ADAP1: variants seen among roughly 807,000 people sequenced by gnomAD.
ADAP1 encodes the protein arf-GAP with dual PH domain-containing protein 1.
In ADAP1, 31 loss-of-function variants were observed where a neutral mutation model predicts 54.9. The observed-to-expected ratio is 0.56, with a 90% CI of 0.42 to 0.76. ADAP1 has a LOEUF of 0.76. Among genes scored for constraint, ADAP1 ranks in the 30% least tolerant of loss-of-function variants. The probability of loss-of-function intolerance (pLI) is 0.00; values close to 1 mark genes in which losing one functional copy is unlikely to be tolerated. For synonymous variants in ADAP1, 313 were observed against 202.6 expected, an observed-to-expected ratio of 1.55 and a Z score of -4.63; for missense variants, 535 against 512.4, an observed-to-expected ratio of 1.04 and a Z score of -0.42.
At chr7:936,231 T>TA (rs1319963619) in intron 1 of ADAP1, among the ~76,000 whole-genome samples, 1 of 152,020 alleles carries the variant, frequency 6.6e-6, no homozygotes, top group African/African-American at 2.4e-5. Context: ...TTTTGAGACA[T>TA]AGTCTGTTGC....
intron 1 of ADAP1, among the ~76,000 whole-genome samples, chr7:936,325 C>T (rs931998563): frequency 1.3e-5 from 2 of 152,104 alleles, no homozygotes; most frequent in East Asian, 1.9e-4. Context: ...CTTAGCCTCC[C>T]GAGTAGCGAG....
At position 898,434 on chromosome 7, in the gene ADAP1, C is replaced by T. The variant is rs138731347; in HGVS notation, c.*487G>A. ...AAACACCCCACGGCCCTCATAGCCC[C>T]GTGACACACAACAGGCGCTCAATAA... On this transcript the variant is annotated 3_prime_UTR_variant, in exon 11 of 11. Coordinates refer to ENST00000265846, the MANE Select transcript of ADAP1 (RefSeq NM_006869.4). 411 of 214,230 alleles carry T rather than the reference C, an allele frequency of 1.9e-3. 1 individual carries two copies. The highest frequency in any genetic ancestry group is 3.0e-3 in the Non-Finnish European group (313 of 104,894). 13.3% of individuals were successfully genotyped at this position (214,230 alleles called of 1,614,324 possible).
At position 899,075 on chromosome 7, in the gene ADAP1, G is replaced by T; in HGVS notation, c.1054C>A (p.Gln352Lys). 6.2e-7 allele frequency: 1 copy of T among 1,608,232 alleles called. No homozygotes were observed. The stretch of plus-strand genomic sequence containing the variant: ...AGCATGGGCCTGTCCACCGCCTTCT[G>T]GAAGGCCGCCACCCACTCCCTCTGG... ...SDQREWVAAF[Q>K]KAVDRPMLPQ... The change falls in exon 10 of 11, where the codon CAG (glutamine) becomes AAG (lysine). Residue 352 changes from glutamine to lysine, a missense_variant. Transcript: ENST00000265846.
At chr7:915,620 T>G (rs1383790410) in intron 4 of ADAP1, among the ~76,000 whole-genome samples, 1 of 152,130 alleles carries the variant, frequency 6.6e-6, no homozygotes, top group Non-Finnish European at 1.5e-5. Context: ...AGGCTTTAGC[T>G]CATCTCAAAT....
intron 6 of ADAP1, chr7:901,185 G>C (rs1454512062): frequency 2.7e-6 from 1 of 363,638 alleles, no homozygotes; most frequent in Non-Finnish European, 5.4e-6. Context: ...GGAACAGAGG[G>C]CCCATAGCCC....
In ADAP1 at chr7:926,215, G is replaced by A. The variant is rs994701741; in HGVS notation, c.305+338C>T. The stretch of plus-strand genomic sequence containing the variant: ...CAGGGCAGGCCCCGAAACAACAGCC[G>A]CCCCTCCCGTTCCCCTCCCAGACCG... On this transcript the variant is annotated intron_variant, in intron 3 of 10. Transcript: ENST00000265846. The surrounding 1 kb of genome is among the most constrained non-coding windows in gnomAD (Gnocchi z 4.6). 2.5e-4 allele frequency among the ~76,000 whole-genome samples: 38 copies of A among 151,780 alleles called. No individual in the cohort carries two copies. The highest frequency in any genetic ancestry group is 6.3e-4 in the South Asian group (3 of 4,754).
chr7:903,493 C>G (rs138440291), intron 6 of ADAP1, among the ~76,000 whole-genome samples: 3 of 152,156 alleles, frequency 2.0e-5, no homozygotes, highest in African/African-American at 7.2e-5. Context: ...CGCTTTAGAC[C>G]GTGTGCACAC....
rs1845216646 is a variant in ADAP1, at chr7:905,753, AGGGAGAAG to A, written c.389-589_389-582del. 3 of 79,294 alleles carry A rather than the reference AGGGAGAAG, an allele frequency of 3.8e-5. 1 individual carries two copies. Among genetic ancestry groups the A allele is most frequent in the Non-Finnish European group, 7.8e-5 (3 of 38,442 alleles). The allele number at this position is 79,294 out of a possible 1,614,324, so 4.9% of individuals were successfully genotyped here. ...GGAGAAAGGGAAAGGAGAAGGGAGAAGGGAGAAGGGAGAAAGGAGAAAGGAGAAAGGAG... is the reference window on the plus strand; with the variant it reads ...GGAGAAAGGGAAAGGAGAAGGGAGAAGGAGAAAGGAGAAAGGAGAAAGGAG... On this transcript the variant is annotated intron_variant, in intron 4 of 10. Coordinates refer to ENST00000265846, the MANE Select transcript of ADAP1 (RefSeq NM_006869.4).
intron 2 of ADAP1, chr7:935,052 G>C (rs996588685): frequency 4.1e-5 from 20 of 493,124 alleles, no homozygotes; most frequent in Non-Finnish European, 7.6e-5. Flanking sequence ...CCTGAGCCCA[G>C]TGCTCCAGGT....
Position 954,380 on chromosome 7 carries a change from C to T in ADAP1, c.82+16G>A, listed in dbSNP as rs1415137388. ...CCGGACCCACCCGGCCCCGCGCCCACCCGGCCCACACCTACCCGGGGCGCC... is the reference window on the plus strand; with the variant it reads ...CCGGACCCACCCGGCCCCGCGCCCATCCGGCCCACACCTACCCGGGGCGCC... On this transcript the variant is annotated intron_variant, in intron 1 of 10. Transcript: ENST00000265846. 9.2e-7 allele frequency: 1 copy of T among 1,084,508 alleles called. No individual in the cohort carries two copies. The highest frequency in any genetic ancestry group is 5.0e-5 in the Admixed American group (1 of 20,014). The allele number at this position is 1,084,508 out of a possible 1,614,324, so 67.2% of individuals were successfully genotyped here.
chr7:899,010 C>T (rs562708881), intron 10 of ADAP1, 23 bp downstream of exon 10: 73 of 1,609,476 alleles, frequency 4.5e-5, no homozygotes, highest in South Asian at 3.5e-4. Context: ...CCTTCCAGGC[C>T]GCCGGCCGCC....
chr7:950,118 G>A (rs972079236), intron 1 of ADAP1, among the ~76,000 whole-genome samples: 1 of 152,192 alleles, frequency 6.6e-6, no homozygotes, highest in Non-Finnish European at 1.5e-5. Flanking sequence ...TTCACATGCA[G>A]GGAAATCCCA....
intron 4 of ADAP1, among the ~76,000 whole-genome samples, chr7:907,114 G>A (rs1407958726): frequency 2.0e-5 from 3 of 152,100 alleles, no homozygotes; most frequent in Non-Finnish European, 4.4e-5. Flanking sequence ...CTTTTTTCAG[G>A]AAAGCTCATC....
chr7:940,638 T>C (rs1366161092), intron 1 of ADAP1, among the ~76,000 whole-genome samples: 2 of 152,204 alleles, frequency 1.3e-5, no homozygotes, highest in African/African-American at 2.4e-5. Context: ...TGAAAACAGC[T>C]TGGCAGTTTC....
chr7:925,933 CT>C (rs1846369405), intron 3 of ADAP1, among the ~76,000 whole-genome samples: 1 of 152,212 alleles, frequency 6.6e-6, no homozygotes, highest in Non-Finnish European at 1.5e-5. Flanking sequence ...CGTCTTTCCC[CT>C]GTGACAGGTA....
chr7:937,691 G>A lies in ADAP1; in HGVS notation c.83-2186C>T, dbSNP rs868620576. ...CTCTGGGATTTGGGGGTCATGCCCG[G>A]CCTCTGGGATTTGGGGGTCATGCCC... is the stretch of plus-strand genomic sequence containing the variant. On this transcript the variant is annotated intron_variant, in intron 1 of 10. Coordinates refer to ENST00000265846, the MANE Select transcript of ADAP1 (RefSeq NM_006869.4). Among the ~76,000 whole-genome samples, 187 of 54,722 alleles carry A rather than the reference G, an allele frequency of 3.4e-3. 10 individuals are homozygous for A. The highest frequency in any genetic ancestry group is 6.7e-3 in the East Asian group (8 of 1,198). The allele number at this position is 54,722 out of a possible 152,430, so 35.9% of individuals were successfully genotyped here.
chr7:904,950 G>T (rs1161933124), intron 5 of ADAP1, 110 bp downstream of exon 5: 8 of 810,426 alleles, frequency 9.9e-6, no homozygotes, highest in Non-Finnish European at 1.2e-5. Context: ...CATCGGGGGG[G>T]GCAGCAGGGA....
At chr7:911,375 C>G (rs1303497252) in intron 4 of ADAP1, among the ~76,000 whole-genome samples, 2 of 152,212 alleles carry the variant, frequency 1.3e-5, no homozygotes, top group Admixed American at 1.3e-4. Flanking sequence ...ATGCCCCCAT[C>G]CCCGCCAGGC....
At chr7:955,147 G>A, upstream of ADAP1, 1 of 670,156 alleles carries the variant, frequency 1.5e-6, no homozygotes, top group South Asian at 1.8e-5. Flanking sequence ...GGGCCCAGAC[G>A]GAGCCTCCCC....
Sources: gnomAD v4.1 joint callset for allele counts (sites outside exome capture counted in the v4.1 genomes callset) on GRCh38, gnomAD v4.1.1 for gene constraint, Gnocchi (gnomAD v3.1) non-coding constraint, MANE v1.5 for transcripts, NCBI Gene and HGNC (gene_info 2026-07-23, HGNC 2026-07-21) for gene names.